The following RERE variants were observed in gnomAD, a reference collection of about 807,000 sequenced individuals.
RERE encodes the protein arginine-glutamic acid dipeptide repeats.
Under a neutral mutation model 146.1 loss-of-function variants are expected in RERE, and 40 were observed. The ratio of observed to expected loss-of-function variants is 0.27; its 90% CI spans 0.21 to 0.36. The LOEUF (loss-of-function observed/expected upper bound fraction) is 0.36, where lower values mean the gene tolerates loss of function less well. RERE is among the 10% of genes least tolerant of loss of function. The pLI is 1.00. For missense variants in RERE, 1,933 were observed against 2,138.7 expected (o/e 0.90, Z 1.90); for synonymous variants, 1,003 against 866.0 (o/e 1.16, Z -2.78).
At chr1:8,508,792 T>A in intron 7 of RERE, 117 bp from the exon 8 acceptor site, 1 of 784,684 alleles carries the variant, frequency 1.3e-6, no homozygotes, top group Non-Finnish European at 2.2e-6. Context: ...GAGGAAGAAT[T>A]AACGTCCCCA....
chr1:8,518,356 T>C (rs1167069422), intron 7 of RERE, among the ~76,000 whole-genome samples: 1 of 152,202 alleles, frequency 6.6e-6, no homozygotes, highest in Non-Finnish European at 1.5e-5. Flanking sequence ...AGACCCTTGT[T>C]CTGTGGCTGG....
In RERE at chr1:8,670,521, G is replaced by A. The variant is rs185153465; in HGVS notation, c.-144-14080C>T. ...GACACAGTCTGTAAGTTGGCCATAA[G>A]ATGTGCTATAGAAAAAAAATAAAGC... On this transcript the variant is annotated intron_variant, in intron 1 of 22. Transcript: ENST00000400908. 5.8e-3 allele frequency among the ~76,000 whole-genome samples: 886 copies of A among 152,250 alleles called. 6 individuals carry two copies. Among genetic ancestry groups the A allele is most frequent in the Non-Finnish European group, 8.1e-3 (551 of 68,018 alleles).
chr1:8,605,900 A>G (rs1646702831), intron 4 of RERE, among the ~76,000 whole-genome samples: 1 of 135,522 alleles, frequency 7.4e-6, no homozygotes, highest in Non-Finnish European at 1.5e-5. Context: ...GCTGGAATAC[A>G]GTGGCATGAT....
Position 8,361,010 on chromosome 1 carries a change from C to A in RERE, c.2497G>T (p.Ala833Ser), listed in dbSNP as rs200868114. The change falls in exon 18 of 23, where the codon GCG becomes TCG. Residue 833 changes from alanine (A) to serine (S), a missense_variant. This residue lies in a region of RERE where 1,255 missense variants were observed against 1,153.8 expected (regional missense o/e 1.09). Transcript: ENST00000400908. ...HPPLQPLTGS[A>S]GQPSAPSHAQ... Reference sequence around the variant, plus strand: ...TGAGAGGGTGCAGAAGGCTGGCCCGCCGACCCAGTCAGAGGCTGCAGCGGG... The same window carrying A: ...TGAGAGGGTGCAGAAGGCTGGCCCGACGACCCAGTCAGAGGCTGCAGCGGG... 2.3e-5 allele frequency: 33 copies of A among 1,435,784 alleles called. No homozygotes were observed. The highest frequency in any genetic ancestry group is 3.0e-5 in the Non-Finnish European group (33 of 1,100,740). 88.9% of individuals were successfully genotyped at this position (1,435,784 alleles called of 1,614,324 possible). A position where few individuals can be genotyped will look rare whatever the true frequency, so the allele number is the denominator to read the frequency against.
At chr1:8,422,351 T>C (rs1643921920) in intron 12 of RERE, among the ~76,000 whole-genome samples, 1 of 152,206 alleles carries the variant, frequency 6.6e-6, no homozygotes, top group African/African-American at 2.4e-5. Flanking sequence ...GGTTGATGAT[T>C]TCTGCCAATT....
rs779763814 is a variant in RERE, at chr1:8,358,630, C to T, written c.3905G>A (p.Arg1302Gln). The change falls in exon 20 of 23, where the codon CGG becomes CAG. Residue 1302 changes from arginine to glutamine, a missense_variant. By Grantham distance (43) the Arg-to-Gln change is conservative (BLOSUM62 1). Transcript: ENST00000400908. ...TCGGATCTCCCGCTCCCGGAGCTCCCGCTCGCGGATGGTGGGGTCGACGTT... is the reference window on the plus strand; with the variant it reads ...TCGGATCTCCCGCTCCCGGAGCTCCTGCTCGCGGATGGTGGGGTCGACGTT... The part of the protein sequence containing the change: ...LYNVDPTIRE[R>Q]ELREREIRER... The T allele has an allele frequency of 2.0e-5, 32 of 1,587,384 alleles. No homozygotes were observed. The highest frequency in any genetic ancestry group is 2.6e-5 in the Non-Finnish European group (30 of 1,167,560).
intron 1 of RERE, among the ~76,000 whole-genome samples, chr1:8,667,639 T>C (rs578196889): frequency 6.6e-6 from 1 of 152,312 alleles, no homozygotes; most frequent in South Asian, 2.1e-4. Context: ...ATGGCGCCAC[T>C]GCACTCCAGC....
At chr1:8,588,259 A>T (rs889820481) in intron 4 of RERE, among the ~76,000 whole-genome samples, 18 of 152,252 alleles carry the variant, frequency 1.2e-4, no homozygotes, top group African/African-American at 3.9e-4. Flanking sequence ...GGGGAAATTT[A>T]AAGTAAATCA....
At chr1:8,413,404 G>A (rs188130195) in intron 12 of RERE, among the ~76,000 whole-genome samples, 2 of 152,236 alleles carry the variant, frequency 1.3e-5, no homozygotes, top group Admixed American at 6.5e-5. Flanking sequence ...GCATAGCAGC[G>A]TGATCTTGGC....
At chr1:8,469,344 C>T (rs1448038857) in intron 10 of RERE, among the ~76,000 whole-genome samples, 3 of 152,136 alleles carry the variant, frequency 2.0e-5, no homozygotes, top group African/African-American at 7.2e-5. Flanking sequence ...CTTGGCTGGG[C>T]GCGGTGGCTC....
intron 11 of RERE, chr1:8,428,664 A>G (rs1232709417): frequency 2.6e-5 from 4 of 152,150 alleles, no homozygotes; most frequent in Admixed American, 2.6e-4. Context: ...CATTTTCGCT[A>G]CAGTGGAAAG....
chr1:8,373,602 T>C (rs1051082119), intron 12 of RERE, among the ~76,000 whole-genome samples: 1 of 152,164 alleles, frequency 6.6e-6, no homozygotes, highest in African/African-American at 2.4e-5. Flanking sequence ...AGGAAAGAGC[T>C]GTGGCCCTGA....
intron 4 of RERE, among the ~76,000 whole-genome samples, chr1:8,581,989 C>T (rs1646372302): frequency 6.6e-6 from 1 of 151,966 alleles, no homozygotes; most frequent in African/African-American, 2.4e-5. Context: ...ACTGTTGTGA[C>T]ACTTTTAATG....
At chr1:8,463,341 C>T (rs575083256) in intron 11 of RERE, among the ~76,000 whole-genome samples, 1 of 151,822 alleles carries the variant, frequency 6.6e-6, no homozygotes, top group African/African-American at 2.4e-5. Flanking sequence ...TAAAAATGAC[C>T]CCAAACGGAT....
At chr1:8,458,308 C>G in intron 11 of RERE, among the ~76,000 whole-genome samples, 1 of 152,010 alleles carries the variant, frequency 6.6e-6, no homozygotes, top group South Asian at 2.1e-4. Context: ...CATTTTTTTA[C>G]ATGCCCTTGA....
chr1:8,445,283 T>A (rs1344753853), intron 11 of RERE, among the ~76,000 whole-genome samples: 1 of 152,194 alleles, frequency 6.6e-6, no homozygotes, highest in African/African-American at 2.4e-5. Context: ...CCAAGACAGG[T>A]TGCACCATGG....
chr1:8,394,803 A>T (rs998745250), intron 12 of RERE, among the ~76,000 whole-genome samples: 1 of 152,140 alleles, frequency 6.6e-6, no homozygotes, highest in Non-Finnish European at 1.5e-5. Flanking sequence ...TAGTATATAT[A>T]TATATTATAT....
intron 12 of RERE, among the ~76,000 whole-genome samples, chr1:8,416,235 A>C (rs1057020930): frequency 6.6e-6 from 1 of 152,240 alleles, no homozygotes; most frequent in Non-Finnish European, 1.5e-5. Flanking sequence ...CAGGAGTTAC[A>C]ATCATGTTTC....
At chr1:8,443,023 A>T (rs1480789865) in intron 11 of RERE, among the ~76,000 whole-genome samples, 1 of 152,220 alleles carries the variant, frequency 6.6e-6, no homozygotes, top group African/African-American at 2.4e-5. Context: ...CTAAGCAGCA[A>T]AGTATTCAAG....
Sources: allele counts gnomAD v4.1 joint callset (sites outside exome capture counted in the v4.1 genomes callset), GRCh38; gene constraint gnomAD v4.1.1; regional missense constraint gnomAD v4.1.1; transcripts MANE v1.5; gene names NCBI Gene and HGNC (gene_info 2026-07-23, HGNC 2026-07-21).